IPCEF1: variants seen among roughly 807,000 people sequenced by gnomAD.
IPCEF1 encodes the protein interaction protein for cytohesin exchange factors 1, also known as interactor protein for cytohesin exchange factors 1.
In IPCEF1, 31 loss-of-function variants were observed where a neutral mutation model predicts 50.9. The observed-to-expected ratio is 0.61, with a 90% CI of 0.46 to 0.82. IPCEF1 has a LOEUF of 0.82. IPCEF1 is among the 40% of genes least tolerant of loss of function. IPCEF1 has a pLI of 0.00. For synonymous variants in IPCEF1, 181 were observed against 192.0 expected, an observed-to-expected ratio of 0.94 and a Z score of 0.47; for missense variants, 458 against 514.0, an observed-to-expected ratio of 0.89 and a Z score of 1.05.
intron 1 of IPCEF1, among the ~76,000 whole-genome samples, chr6:154,291,246 A>T (rs1782506022): frequency 6.6e-6 from 1 of 152,248 alleles, no homozygotes; most frequent in Non-Finnish European, 1.5e-5. Flanking sequence ...GCCTAAAAGC[A>T]TACATTTATA....
chr6:154,247,132 G>A (rs1414125563), intron 4 of IPCEF1: 1 of 422,016 alleles, frequency 2.4e-6, no homozygotes, highest in Non-Finnish European at 4.2e-6. Context: ...CAGTAACATA[G>A]CTCCTCTCAA....
chr6:154,219,171 A>AGCGG, intron 7 of IPCEF1: 1 of 152,328 alleles, frequency 6.6e-6, no homozygotes, highest in Admixed American at 6.5e-5. Flanking sequence ...CATGAAATAC[A>AGCGG]ACGGATTCAG....
chr6:154,237,804 A>G (rs1780252110), intron 5 of IPCEF1, among the ~76,000 whole-genome samples: 1 of 152,194 alleles, frequency 6.6e-6, no homozygotes, highest in African/African-American at 2.4e-5. Context: ...ATACATATGT[A>G]TGTTTATACA....
rs529983177 is a variant in IPCEF1, at chr6:154,223,283, A to T, written c.247-40T>A. The stretch of plus-strand genomic sequence containing the variant: ...TACCACAAATAGGAATGAATGCATC[A>T]ATCCTGGGGATTAGTGCATTGAGAT... On this transcript the variant is annotated intron_variant, in intron 5 of 11. Coordinates refer to ENST00000367220, the MANE Select transcript of IPCEF1 (RefSeq NM_001130700.2). 2.9e-5 allele frequency: 43 copies of T among 1,461,734 alleles called. No individual in the cohort carries two copies. The South Asian group carries it at 4.7e-4, about 16-fold the overall frequency. 90.5% of individuals were successfully genotyped at this position (1,461,734 alleles called of 1,614,324 possible). A position where few individuals can be genotyped will look rare whatever the true frequency, so the allele number is the denominator to read the frequency against.
chr6:154,209,171 G>T (rs964701314), intron 9 of IPCEF1, among the ~76,000 whole-genome samples: 1 of 151,854 alleles, frequency 6.6e-6, no homozygotes, highest in Non-Finnish European at 1.5e-5. Flanking sequence ...AAATTTTTTT[G>T]AATTTTCCAA....
chr6:154,337,205 A>T (rs566690699), intron 1 of IPCEF1, among the ~76,000 whole-genome samples: 47 of 152,370 alleles, frequency 3.1e-4, no homozygotes, highest in African/African-American at 1.0e-3. Flanking sequence ...CAGAAGTTCT[A>T]TGCGAATAGG....
At chr6:154,298,737 A>T (rs969859585) in intron 1 of IPCEF1, among the ~76,000 whole-genome samples, 1 of 152,084 alleles carries the variant, frequency 6.6e-6, no homozygotes, top group African/African-American at 2.4e-5. Flanking sequence ...GCTGAGGCGG[A>T]TGGATCACCT....
At chr6:154,174,690 C>T (rs928506062) in intron 10 of IPCEF1, among the ~76,000 whole-genome samples, 2 of 152,150 alleles carry the variant, frequency 1.3e-5, no homozygotes, top group Non-Finnish European at 1.5e-5. Flanking sequence ...TAGAGACCTA[C>T]AAAGAGACTT....
intron 9 of IPCEF1, 130 bp downstream of exon 9, chr6:154,212,640 G>A: frequency 1.6e-6 from 1 of 632,320 alleles, no homozygotes. Flanking sequence ...AATTGCACTT[G>A]CTCGTTGGCA....
intron 1 of IPCEF1, among the ~76,000 whole-genome samples, chr6:154,304,132 G>A (rs980482518): frequency 6.7e-6 from 1 of 150,310 alleles, no homozygotes; most frequent in Admixed American, 6.6e-5. Context: ...CTGAGTGGAA[G>A]GATCACTTGA....
intron 1 of IPCEF1, among the ~76,000 whole-genome samples, chr6:154,342,128 C>A (rs1455141019): frequency 1.3e-5 from 2 of 152,128 alleles, no homozygotes; most frequent in Non-Finnish European, 2.9e-5. Context: ...GAAGTAAATT[C>A]TTTGCTGGCC....
chr6:154,331,419 G>A (rs531949395), intron 1 of IPCEF1, among the ~76,000 whole-genome samples: 4 of 144,440 alleles, frequency 2.8e-5, no homozygotes, highest in African/African-American at 7.7e-5. Context: ...GAGAGAAAAA[G>A]AAAGAGAGAG....
chr6:154,333,803 A>G (rs1204812638), intron 1 of IPCEF1, among the ~76,000 whole-genome samples: 3 of 151,848 alleles, frequency 2.0e-5, no homozygotes, highest in East Asian at 1.9e-4. Flanking sequence ...ATGTATATAT[A>G]TGTGTGTGTG....
At chr6:154,222,192 TG>T (rs1287810300) in intron 6 of IPCEF1, among the ~76,000 whole-genome samples, 4 of 152,130 alleles carry the variant, frequency 2.6e-5, no homozygotes, top group African/African-American at 9.7e-5. Context: ...CAGAAAACAT[TG>T]AAGATAACAA....
chr6:154,293,686 G>A (rs1382226348), intron 1 of IPCEF1, among the ~76,000 whole-genome samples: 1 of 152,174 alleles, frequency 6.6e-6, no homozygotes, highest in African/African-American at 2.4e-5. Flanking sequence ...AGCTCTTCGA[G>A]CATTACATGA....
chr6:154,301,264 T>A (rs1393744988), intron 1 of IPCEF1, among the ~76,000 whole-genome samples: 1 of 152,126 alleles, frequency 6.6e-6, no homozygotes, highest in East Asian at 1.9e-4. Flanking sequence ...GAGGAAGGAA[T>A]GATGAGGGAA....
At chr6:154,215,361 C>T (rs149676146) in intron 7 of IPCEF1, among the ~76,000 whole-genome samples, 2 of 152,230 alleles carry the variant, frequency 1.3e-5, no homozygotes, top group African/African-American at 4.8e-5. Context: ...CCCAGCACTT[C>T]AGGAGGCCAA....
At chr6:154,298,880 TGAACC>T (rs1554302941) in intron 1 of IPCEF1, among the ~76,000 whole-genome samples, 1 of 142,754 alleles carries the variant, frequency 7.0e-6, no homozygotes, top group Non-Finnish European at 1.6e-5. Flanking sequence ...GAGAATTGCT[TGAACC>T]CAGGAGGCGG....
intron 11 of IPCEF1, among the ~76,000 whole-genome samples, chr6:154,164,205 G>T (rs1799245225): frequency 6.6e-6 from 1 of 151,994 alleles, no homozygotes; most frequent in African/African-American, 2.4e-5. Context: ...ATAAAAATTG[G>T]GGAAACTGAC....
Sources: allele counts gnomAD v4.1 joint callset (sites outside exome capture counted in the v4.1 genomes callset), GRCh38; gene constraint gnomAD v4.1.1; transcripts MANE v1.5; gene names NCBI Gene and HGNC (gene_info 2026-07-23, HGNC 2026-07-21).